Variants in CEP72 observed in about 807,000 individuals in gnomAD.
The protein encoded by CEP72 is centrosomal protein of 72 kDa.
In CEP72, 78 loss-of-function variants were observed where a neutral mutation model predicts 65.7. The ratio of observed to expected loss-of-function variants is 1.19; its 90% confidence interval spans 0.99 to 1.43. CEP72 has a LOEUF of 1.43. CEP72 is among the 40% of genes most tolerant of loss of function. CEP72 has a pLI of 0.00. For missense variants in CEP72, 914 were observed against 832.9 expected, an observed-to-expected ratio of 1.10 and a Z score of -1.20; for synonymous variants, 358 against 351.7, an observed-to-expected ratio of 1.02 and a Z score of -0.20.
chr5:629,129 A>G (rs972365162), intron 4 of CEP72, among the ~76,000 whole-genome samples: 4 of 152,244 alleles, frequency 2.6e-5, no homozygotes, highest in Non-Finnish European at 4.4e-5. Context: ...TTTTGTGTAG[A>G]TATCTCTTAA....
chr5:675,636 C>T, the CEP72 span, among the ~76,000 whole-genome samples: 20 of 151,904 alleles, frequency 1.3e-4, no homozygotes, highest in African/African-American at 4.1e-4. Flanking sequence ...GCCAGAGGTG[C>T]AGGCTGTTGG....
rs1436874531 is a variant in CEP72, at chr5:649,491, G to GGACTGTGAGGTGT, written c.1778+1603_1778+1615dup. 3.0e-4 allele frequency among the ~76,000 whole-genome samples: 12 copies of GGACTGTGAGGTGT among 39,690 alleles called. 3 individuals are homozygous for GGACTGTGAGGTGT. The highest frequency in any genetic ancestry group is 4.9e-4 in the Admixed American group (2 of 4,100). The allele number at this position is 39,690 out of a possible 152,430, so 26.0% of individuals were successfully genotyped here. ...ACTGTGAGGTGTGACTGTGAGGTGT[G>GGACTGTGAGGTGT]GACTGTGAGGTGTGACTGTGAGGTG... is the stretch of plus-strand genomic sequence containing the variant. On this transcript the variant is annotated intron_variant, in intron 11 of 11. Transcript: ENST00000264935.
chr5:645,321 G>A lies in CEP72; in HGVS notation c.1666+896G>A, dbSNP rs548210361. On this transcript the variant is annotated intron_variant, in intron 10 of 11. Coordinates refer to ENST00000264935, the MANE Select transcript of CEP72 (RefSeq NM_018140.4). The surrounding 1 kb of genome is among the most constrained non-coding windows in gnomAD (Gnocchi z 4.0). ...TTTTTATTGGGTTGTTTTATCGAGC[G>A]GTAAGAGTTCCTTAGAGTCTTCTTT... Among the ~76,000 whole-genome samples the A allele has an allele frequency of 6.6e-5, 10 of 151,894 alleles. No homozygotes were observed. The highest frequency in any genetic ancestry group is 9.7e-5 in the African/African-American group (4 of 41,354).
intron 7 of CEP72, among the ~76,000 whole-genome samples, chr5:638,836 C>T (rs991770766): frequency 1.3e-5 from 2 of 152,072 alleles, no homozygotes; most frequent in African/African-American, 2.4e-5. Flanking sequence ...CTGGGGCCTG[C>T]TTGAGTTGGG....
chr5:616,876 G>A (rs886261872), intron 1 of CEP72, among the ~76,000 whole-genome samples: 3 of 150,360 alleles, frequency 2.0e-5, no homozygotes, highest in African/African-American at 7.4e-5. Context: ...ATGATGTGAA[G>A]AGAGTCTGTC....
chr5:671,622 G>A (rs930682570), downstream of CEP72, among the ~76,000 whole-genome samples: 35 of 152,224 alleles, frequency 2.3e-4, no homozygotes, highest in Non-Finnish European at 4.1e-4. Context: ...TGCCCGGCCT[G>A]CAGGGTACAG....
intron 9 of CEP72, chr5:642,267 T>C: frequency 4.1e-6 from 4 of 984,612 alleles, no homozygotes; most frequent in Non-Finnish European, 4.8e-6. Context: ...TAAACCAACG[T>C]GGCCCCTCCT....
chr5:648,781 CTG>C (rs1227172227), intron 11 of CEP72, among the ~76,000 whole-genome samples: 1 of 77,262 alleles, frequency 1.3e-5, no homozygotes, highest in Non-Finnish European at 2.5e-5. Flanking sequence ...TGAGGTGTGA[CTG>C]TGAGGTGTGA....
At position 645,984 on chromosome 5, in the gene CEP72, C is replaced by T. The variant is rs188716587; in HGVS notation, c.1666+1559C>T. ...TGGCGCCCTGTGTGGATGGTGAATT[C>T]GGCTTCCTTACACTGTGGGAGCGTC... is the stretch of plus-strand genomic sequence containing the variant. On this transcript the variant is annotated intron_variant, in intron 10 of 11. Coordinates refer to ENST00000264935, the MANE Select transcript of CEP72 (RefSeq NM_018140.4). The surrounding 1 kb of genome is among the most constrained non-coding windows in gnomAD (Gnocchi z 4.0). Among the ~76,000 whole-genome samples, 171 of 149,580 alleles carry T rather than the reference C, an allele frequency of 1.1e-3. 1 individual carries two copies. The South Asian group carries it at 0.018, about 16-fold the overall frequency.
At chr5:640,634 C>T in intron 9 of CEP72, 30 bp downstream of exon 9, 1 of 1,583,666 alleles carries the variant, frequency 6.3e-7, no homozygotes, top group South Asian at 1.1e-5. Flanking sequence ...GTGTCTGTGT[C>T]CATGTGACTG....
At chr5:664,814 G>A (rs77925095) in intron 2 of CEP72, 5,324 of 388,926 alleles carry the variant, frequency 0.014, 39 homozygotes, top group Non-Finnish European at 0.018. Context: ...TGCAAACCAC[G>A]TGCCCAGTGT....
rs111984966 is a variant in CEP72 at position 615,026 on chromosome 5, G to GT, written c.82+2593dup. 4.8e-3 allele frequency among the ~76,000 whole-genome samples: 673 copies of GT among 139,966 alleles called. 5 individuals are homozygous for GT. The highest frequency in any genetic ancestry group is 0.015 in the African/African-American group (587 of 37,998). 91.8% of individuals were successfully genotyped at this position (139,966 alleles called of 152,430 possible). A position where few individuals can be genotyped will look rare whatever the true frequency, so the allele number is the denominator to read the frequency against. On this transcript the variant is annotated intron_variant, in intron 1 of 11. Coordinates refer to ENST00000264935, the MANE Select transcript of CEP72 (RefSeq NM_018140.4). ...CTTAACTGTAATTGTGGATTTGTCT[G>GT]TTTTTTTTTTCACTTTGTATGTTTT...
chr5:665,979 T>C (rs897224895), exon 4 of CEP72: 2 of 1,266,096 alleles, frequency 1.6e-6, no homozygotes, highest in East Asian at 5.5e-5. Flanking sequence ...CCGTCACCCC[T>C]GAGATGATGG....
downstream of CEP72, among the ~76,000 whole-genome samples, chr5:655,143 T>C (rs1739339990): frequency 6.6e-6 from 1 of 152,132 alleles, no homozygotes; most frequent in South Asian, 2.1e-4. This position sits in a 1 kb window ranked among gnomAD's most constrained non-coding sequence, Gnocchi z 5.0. Flanking sequence ...GGAGGATCAC[T>C]TGAGGCCAGG....
intron 4 of CEP72, among the ~76,000 whole-genome samples, chr5:633,065 T>G (rs1308266623): frequency 6.2e-5 from 4 of 64,842 alleles, no homozygotes; most frequent in East Asian, 3.7e-4. Context: ...CTGGTGGGGT[T>G]CTGTCCAGTG....
intron 1 of CEP72, among the ~76,000 whole-genome samples, chr5:614,930 C>T (rs1405038916): frequency 6.6e-6 from 1 of 151,894 alleles, no homozygotes; most frequent in East Asian, 1.9e-4. Flanking sequence ...TGATATTGTT[C>T]AGTTCTTCTG....
chr5:653,451 C>T lies in CEP72; in HGVS notation c.*298C>T, dbSNP rs1009520767. ...CCTGAGATGAAGTAAATGCAGTGTT[C>T]TACTGCCTGATGTGAAAGAGAGCTA... On this transcript the variant is annotated 3_prime_UTR_variant, in exon 12 of 12. Transcript: ENST00000264935. 3.9e-6 allele frequency: 1 copy of T among 258,388 alleles called. No individual in the cohort carries two copies. Among genetic ancestry groups the T allele is most frequent in the Admixed American group, 5.2e-5 (1 of 19,074 alleles). The allele number at this position is 258,388 out of a possible 1,614,324, so 16.0% of individuals were successfully genotyped here.
At position 642,193 on chromosome 5, in the gene CEP72, G is replaced by A. The variant is rs184165018; in HGVS notation, c.1539+1589G>A. ...AAGCCTCTGCATTTAAACACACGTGGTCCCCCATCTAGAAGCCTCTGCATT... is the reference window on the plus strand; with the variant it reads ...AAGCCTCTGCATTTAAACACACGTGATCCCCCATCTAGAAGCCTCTGCATT... On this transcript the variant is annotated intron_variant, in intron 9 of 11. Coordinates refer to ENST00000264935, the MANE Select transcript of CEP72 (RefSeq NM_018140.4). The A allele has an allele frequency of 7.3e-4, 565 of 772,630 alleles. 87 individuals are homozygous for A. Among genetic ancestry groups the A allele is most frequent in the Admixed American group, 2.2e-3 (25 of 11,382 alleles). The allele number at this position is 772,630 out of a possible 1,614,324, so 47.9% of individuals were successfully genotyped here. A position where few individuals can be genotyped will look rare whatever the true frequency, so the allele number is the denominator to read the frequency against.
chr5:663,238 C>G (rs1739747386), intron 1 of CEP72: 1 of 152,144 alleles, frequency 6.6e-6, no homozygotes, highest in Non-Finnish European at 1.5e-5. Flanking sequence ...ACCGCACATT[C>G]AGAGTTGTTT....
Sources: allele counts gnomAD v4.1 joint callset (sites outside exome capture counted in the v4.1 genomes callset), GRCh38; gene constraint gnomAD v4.1.1; non-coding constraint Gnocchi (gnomAD v3.1); transcripts MANE v1.5; gene names NCBI Gene and HGNC (gene_info 2026-07-23, HGNC 2026-07-21).